The following KCNJ16 variants were observed in gnomAD, a reference collection of about 807,000 sequenced individuals.
KCNJ16 encodes potassium inwardly rectifying channel subfamily J member 16, also known as inward rectifier potassium channel 16.
A neutral mutation model predicts 18.5 loss-of-function variants in KCNJ16; 15 were observed. The observed-to-expected ratio is 0.81, with a 90% confidence interval of 0.54 to 1.25. The LOEUF is 1.25. KCNJ16 is among the 50% of genes most tolerant of loss of function. KCNJ16 has a pLI of 0.00. For missense variants in KCNJ16, 523 were observed against 525.7 expected, an observed-to-expected ratio of 0.99 and a Z score of 0.05; for synonymous variants, 174 against 186.5, an observed-to-expected ratio of 0.93 and a Z score of 0.55.
chr17:70,093,471 G>A (rs778540420), intron 1 of KCNJ16, among the ~76,000 whole-genome samples: 17 of 152,188 alleles, frequency 1.1e-4, no homozygotes, highest in Non-Finnish European at 2.2e-4. Context: ...TATTGGATCC[G>A]GGCCCACTCT....
intron 1 of KCNJ16, among the ~76,000 whole-genome samples, chr17:70,099,188 CT>C (rs1390685912): frequency 6.6e-6 from 1 of 152,180 alleles, no homozygotes; most frequent in Non-Finnish European, 1.5e-5. Flanking sequence ...ATGATTTTCA[CT>C]TTTGTCCCCA....
intron 1 of KCNJ16, among the ~76,000 whole-genome samples, chr17:70,084,723 C>A (rs955260119): frequency 6.6e-6 from 1 of 152,158 alleles, no homozygotes; most frequent in Non-Finnish European, 1.5e-5. Flanking sequence ...ATCCACCAAC[C>A]ACTTGCCAGA....
intron 1 of KCNJ16, among the ~76,000 whole-genome samples, chr17:70,094,004 G>A (rs1032506390): frequency 2.6e-5 from 4 of 152,016 alleles, no homozygotes; most frequent in African/African-American, 9.7e-5. Flanking sequence ...TGATGGATTA[G>A]GAAAGGTGAA....
intron 1 of KCNJ16, among the ~76,000 whole-genome samples, chr17:70,085,380 A>C (rs780170789): frequency 3.3e-5 from 5 of 152,212 alleles, no homozygotes; most frequent in South Asian, 2.1e-4. Flanking sequence ...AGGCACTGAA[A>C]GGTCGGGATG....
At chr17:70,102,549 T>C (rs922761348) in intron 2 of KCNJ16, among the ~76,000 whole-genome samples, 9 of 152,226 alleles carry the variant, frequency 5.9e-5, no homozygotes, top group African/African-American at 1.4e-4. Context: ...TTAATAGCAA[T>C]GACACACAAG....
At chr17:70,089,582 A>G (rs1173433828) in intron 1 of KCNJ16, among the ~76,000 whole-genome samples, 1 of 152,188 alleles carries the variant, frequency 6.6e-6, no homozygotes, top group Non-Finnish European at 1.5e-5. Flanking sequence ...CAGTTACTGA[A>G]GCATAAAACT....
At chr17:70,128,662 C>A (rs914037915) in intron 2 of KCNJ16, 1 of 152,148 alleles carries the variant, frequency 6.6e-6, no homozygotes, top group Non-Finnish European at 1.5e-5. Context: ...CGTTTTCCTT[C>A]GAACTTCATA....
intron 2 of KCNJ16, among the ~76,000 whole-genome samples, chr17:70,129,516 A>C (rs2073983018): frequency 6.6e-6 from 1 of 152,232 alleles, no homozygotes; most frequent in Non-Finnish European, 1.5e-5. Flanking sequence ...GTTACAATTG[A>C]TCATTTGGCC....
chr17:70,076,566 A>G (rs1244690822), intron 1 of KCNJ16, among the ~76,000 whole-genome samples: 1 of 152,202 alleles, frequency 6.6e-6, no homozygotes, highest in East Asian at 1.9e-4. Flanking sequence ...TCTCATATAC[A>G]ACAAGACTGA....
chr17:70,098,296 C>T (rs1477762995), intron 1 of KCNJ16, among the ~76,000 whole-genome samples: 1 of 152,100 alleles, frequency 6.6e-6, no homozygotes. Flanking sequence ...AGAACAAAAG[C>T]AAACATATTC....
chr17:70,115,681 C>G (rs2073373340), intron 2 of KCNJ16, among the ~76,000 whole-genome samples: 1 of 152,144 alleles, frequency 6.6e-6, no homozygotes, highest in Non-Finnish European at 1.5e-5. Flanking sequence ...GCTAACTCTG[C>G]TTCATCCCTG....
intron 1 of KCNJ16, chr17:70,096,617 T>A: frequency 4.1e-6 from 1 of 245,250 alleles, no homozygotes; most frequent in East Asian, 7.6e-5. Flanking sequence ...TACATCATAA[T>A]AGGTGCCTAT....
chr17:70,109,195 C>T (rs8078332), intron 2 of KCNJ16, among the ~76,000 whole-genome samples: 13,850 of 152,102 alleles, frequency 0.091, 720 homozygotes, highest in African/African-American at 0.14. Flanking sequence ...TTTCTCATGG[C>T]TTTTTTTCCC....
chr17:70,096,152 G>A lies in KCNJ16; in HGVS notation c.-299-4506G>A, dbSNP rs547212132. 1.9e-4 allele frequency among the ~76,000 whole-genome samples: 29 copies of A among 152,046 alleles called. 1 individual carries two copies. The South Asian group carries it at 5.8e-3, about 31-fold the overall frequency. Reference sequence around the variant, plus strand: ...CCCACCTGGGTCTCCCAAAGTGCTGGGATTACAGGCATGAGCCACCGCACC... The same window carrying A: ...CCCACCTGGGTCTCCCAAAGTGCTGAGATTACAGGCATGAGCCACCGCACC... On this transcript the variant is annotated intron_variant, in intron 1 of 3. Transcript: ENST00000392671.
chr17:70,130,709 T>G (rs2074026261), intron 2 of KCNJ16, among the ~76,000 whole-genome samples, 170 bp from the exon 3 acceptor site: 1 of 152,190 alleles, frequency 6.6e-6, no homozygotes, highest in South Asian at 2.1e-4. Context: ...GGAATAGTAT[T>G]TATTCATACT....
chr17:70,111,369 G>C (rs1336500123), intron 2 of KCNJ16, among the ~76,000 whole-genome samples: 2 of 152,066 alleles, frequency 1.3e-5, no homozygotes, highest in Non-Finnish European at 1.5e-5. Context: ...TGGGCTAAGG[G>C]GAACGTGTCA....
In KCNJ16 at chr17:70,132,445, G is replaced by A; in HGVS notation, c.358G>A (p.Gly120Arg). The A allele has an allele frequency of 1.2e-6, 2 of 1,614,062 alleles. No homozygotes were observed. The highest frequency in any genetic ancestry group is 8.5e-7 in the Non-Finnish European group (1 of 1,179,998). ...TGTTGACAACGTCCATTCTTTCACAGGGGCCTTTTTGTTCTCCCTAGAGAC... is the reference window on the plus strand; with the variant it reads ...TGTTGACAACGTCCATTCTTTCACAAGGGCCTTTTTGTTCTCCCTAGAGAC... ...PCVDNVHSFT[G>R]AFLFSLETQT... Residue 120 changes from glycine to arginine, a missense_variant, in exon 4 of 4, where the codon GGG becomes AGG. Transcript: ENST00000392671.
At chr17:70,119,852 A>G (rs1014186076) in intron 2 of KCNJ16, among the ~76,000 whole-genome samples, 13 of 152,190 alleles carry the variant, frequency 8.5e-5, no homozygotes, top group Non-Finnish European at 1.0e-4. Flanking sequence ...AGTTATGCAC[A>G]TATCTCTAGC....
chr17:70,122,879 G>A (rs1485852348), intron 2 of KCNJ16, among the ~76,000 whole-genome samples: 4 of 152,130 alleles, frequency 2.6e-5, no homozygotes, highest in Admixed American at 6.6e-5. Flanking sequence ...TGGCCCTGCC[G>A]CACATGAAGG....
Sources: allele counts gnomAD v4.1 joint callset (sites outside exome capture counted in the v4.1 genomes callset), GRCh38; gene constraint gnomAD v4.1.1; transcripts MANE v1.5; gene names NCBI Gene and HGNC (gene_info 2026-07-23, HGNC 2026-07-21).